Variants in PTPRD observed in about 807,000 individuals in gnomAD.
PTPRD encodes the protein protein tyrosine phosphatase receptor type D.
Under a neutral mutation model 214.5 loss-of-function variants are expected in PTPRD, and 34 were observed. That is an observed-to-expected ratio of 0.16 (90% CI 0.12 to 0.21). The LOEUF (loss-of-function observed/expected upper bound fraction) is 0.21, where lower values mean the gene tolerates loss of function less well. PTPRD is among the 10% of genes least tolerant of loss of function. PTPRD has a pLI of 1.00. For synonymous variants in PTPRD, 1,128 were observed against 845.7 expected, an observed-to-expected ratio of 1.33 and a Z score of -5.79; for missense variants, 2,545 against 2,398.7, an observed-to-expected ratio of 1.06 and a Z score of -1.27.
At chr9:10,117,492 A>T (rs988692412) in intron 3 of PTPRD, among the ~76,000 whole-genome samples, 1 of 152,134 alleles carries the variant, frequency 6.6e-6, no homozygotes, top group African/African-American at 2.4e-5. Flanking sequence ...ACTCCCTACA[A>T]AAGCTCTAGG....
chr9:9,042,359 T>C (rs72694903), intron 10 of PTPRD, among the ~76,000 whole-genome samples: 3,557 of 152,264 alleles, frequency 0.023, 65 homozygotes, highest in Middle Eastern at 0.034. Flanking sequence ...GGCTGCAAGA[T>C]TGGGACTAGG....
intron 14 of PTPRD, among the ~76,000 whole-genome samples, chr9:8,600,620 T>C (rs375172050): frequency 1.3e-5 from 2 of 151,890 alleles, no homozygotes; most frequent in African/African-American, 2.4e-5. Flanking sequence ...GTCCCCATTA[T>C]AGGCCCCAGG....
In PTPRD at chr9:9,980,332, G is replaced by A. The variant is rs556093180; in HGVS notation, c.-471-41722C>T. Among the ~76,000 whole-genome samples, 72 of 151,762 alleles carry A rather than the reference G, an allele frequency of 4.7e-4. 1 individual carries two copies. Among genetic ancestry groups the A allele is most frequent in the Non-Finnish European group, 3.2e-4 (22 of 67,948 alleles). On this transcript the variant is annotated intron_variant, in intron 4 of 45. Coordinates refer to ENST00000381196, the MANE Select transcript of PTPRD (RefSeq NM_002839.4). ...GTATTAAAACTTCGTGGATGGGCCGGTTATGGTGGGTCACGCCTATAATCC... is the reference window on the plus strand; with the variant it reads ...GTATTAAAACTTCGTGGATGGGCCGATTATGGTGGGTCACGCCTATAATCC...
At chr9:9,101,125 C>G (rs1245598880) in intron 10 of PTPRD, among the ~76,000 whole-genome samples, 1 of 151,120 alleles carries the variant, frequency 6.6e-6, no homozygotes, top group East Asian at 1.9e-4. Flanking sequence ...GAGTAGAGAG[C>G]AGGAGACCAG....
At chr9:10,485,482 C>T (rs2099126750) in intron 2 of PTPRD, among the ~76,000 whole-genome samples, 1 of 152,086 alleles carries the variant, frequency 6.6e-6, no homozygotes, top group African/African-American at 2.4e-5. Context: ...TTGATTCTTT[C>T]AATCCATGAA....
chr9:8,665,852 T>A (rs16928251), intron 12 of PTPRD, among the ~76,000 whole-genome samples: 1 of 152,190 alleles, frequency 6.6e-6, no homozygotes, highest in African/African-American at 2.4e-5. Context: ...TGCTACTCCT[T>A]AGACTTGTTA....
chr9:9,227,294 G>A (rs1028748552), intron 9 of PTPRD, among the ~76,000 whole-genome samples: 1 of 151,978 alleles, frequency 6.6e-6, no homozygotes, highest in Non-Finnish European at 1.5e-5. Context: ...ATGTAGTGGA[G>A]TTAGTAGTAT....
At chr9:9,307,503 T>A (rs1957502751) in intron 9 of PTPRD, among the ~76,000 whole-genome samples, 1 of 152,176 alleles carries the variant, frequency 6.6e-6, no homozygotes, top group South Asian at 2.1e-4. Flanking sequence ...TCTTTAGCTA[T>A]CTCTCATCCC....
At chr9:10,506,956 G>A (rs1343752965) in intron 2 of PTPRD, among the ~76,000 whole-genome samples, 1 of 151,998 alleles carries the variant, frequency 6.6e-6, no homozygotes, top group Non-Finnish European at 1.5e-5. Flanking sequence ...GATTGCCCTG[G>A]CCAGAACTTC....
At chr9:10,195,744 G>A (rs1410514053) in intron 3 of PTPRD, among the ~76,000 whole-genome samples, 1 of 152,176 alleles carries the variant, frequency 6.6e-6, no homozygotes, top group Non-Finnish European at 1.5e-5. Context: ...AAGCCATGGG[G>A]AAGGGTGGAG....
intron 2 of PTPRD, among the ~76,000 whole-genome samples, chr9:10,369,032 A>G (rs1348226352): frequency 6.6e-6 from 1 of 152,028 alleles, no homozygotes; most frequent in African/African-American, 2.4e-5. Flanking sequence ...AAAATTAAGC[A>G]AAACAAAAAC....
intron 11 of PTPRD, among the ~76,000 whole-genome samples, chr9:8,785,448 C>T (rs2095905222): frequency 6.6e-6 from 1 of 152,182 alleles, no homozygotes; most frequent in South Asian, 2.1e-4. Context: ...AACCACAATA[C>T]AAAATCCTGA....
rs148982617 is a variant in PTPRD, at chr9:8,768,888, G to T, written c.-103-34942C>A. The stretch of plus-strand genomic sequence containing the variant: ...GAATAATCATTAAACAGTTTGCAAG[G>T]GACTAGTACACTGACTTACTAAGGG... On this transcript the variant is annotated intron_variant, in intron 11 of 45. Coordinates refer to ENST00000381196, the MANE Select transcript of PTPRD (RefSeq NM_002839.4). Among the ~76,000 whole-genome samples the T allele has an allele frequency of 7.5e-4, 114 of 152,140 alleles. 2 individuals carry two copies. The East Asian group carries it at 0.017, about 22-fold the overall frequency.
intron 9 of PTPRD, among the ~76,000 whole-genome samples, chr9:9,196,113 A>G (rs545759381): frequency 3.3e-5 from 5 of 152,264 alleles, no homozygotes; most frequent in Admixed American, 2.0e-4. Context: ...CTGACCTTCA[A>G]TGTTCTCATA....
rs559052578 is a variant in PTPRD at position 10,024,949 on chromosome 9, A to G, written c.-472+8769T>C. 6.6e-5 allele frequency among the ~76,000 whole-genome samples: 10 copies of G among 151,934 alleles called. No homozygotes were observed. In the South Asian group the frequency reaches 1.9e-3, roughly 28 times the overall value. On this transcript the variant is annotated intron_variant, in intron 4 of 45. Coordinates refer to ENST00000381196, the MANE Select transcript of PTPRD (RefSeq NM_002839.4). ...TCCAGCTTCATCCATGTCCCTACAAAGGACATGAACTCATCATTTTTTATG... is the reference window on the plus strand; with the variant it reads ...TCCAGCTTCATCCATGTCCCTACAAGGGACATGAACTCATCATTTTTTATG...
intron 11 of PTPRD, among the ~76,000 whole-genome samples, chr9:8,944,666 C>T (rs1160618966): frequency 6.6e-6 from 1 of 152,010 alleles, no homozygotes; most frequent in Non-Finnish European, 1.5e-5. Context: ...ATACATTTTG[C>T]ATGTTCACAC....
At chr9:10,125,162 A>G (rs1016935855) in intron 3 of PTPRD, among the ~76,000 whole-genome samples, 1 of 152,116 alleles carries the variant, frequency 6.6e-6, no homozygotes, top group Non-Finnish European at 1.5e-5. Context: ...TAGGAGTTGT[A>G]CAAACTTAAA....
At chr9:8,511,322 C>T (rs2097676903) in intron 21 of PTPRD, among the ~76,000 whole-genome samples, 1 of 152,094 alleles carries the variant, frequency 6.6e-6, no homozygotes, top group African/African-American at 2.4e-5. Flanking sequence ...CCTTCCACCT[C>T]GACCACTCAA....
At chr9:8,368,279 C>A (rs111562434) in intron 39 of PTPRD, among the ~76,000 whole-genome samples, 3,652 of 152,182 alleles carry the variant, frequency 0.024, 157 homozygotes, top group African/African-American at 0.083. Flanking sequence ...CCTTAGCTGG[C>A]GAGTGAGGAA....
Sources: allele counts gnomAD v4.1 joint callset (sites outside exome capture counted in the v4.1 genomes callset), GRCh38; gene constraint gnomAD v4.1.1; transcripts MANE v1.5; gene names NCBI Gene and HGNC (gene_info 2026-07-23, HGNC 2026-07-21).